The following SPIDR variants were observed in gnomAD, a reference collection of about 807,000 sequenced individuals.
The protein encoded by SPIDR is scaffold protein involved in DNA repair, also known as DNA repair-scaffolding protein.
Under a neutral mutation model 104.6 loss-of-function variants are expected in SPIDR, and 93 were observed. That is an observed-to-expected ratio of 0.89 (90% CI 0.75 to 1.06). The LOEUF is 1.06. SPIDR is among the 50% of genes least tolerant of loss of function. SPIDR has a pLI of 0.00. For missense variants in SPIDR, 1,154 were observed against 1,111.2 expected, an observed-to-expected ratio of 1.04 and a Z score of -0.55; for synonymous variants, 431 against 416.9, an observed-to-expected ratio of 1.03 and a Z score of -0.41.
chr8:47,396,341 T>C, intron 5 of SPIDR, 35 bp from the exon 6 acceptor site: 1 of 1,504,952 alleles, frequency 6.6e-7, no homozygotes, highest in Non-Finnish European at 9.2e-7. Context: ...ATCCTTTGTA[T>C]TTAAAAATAT....
intron 10 of SPIDR, among the ~76,000 whole-genome samples, chr8:47,633,858 C>T (rs1024109602): frequency 1.3e-5 from 2 of 152,122 alleles, no homozygotes; most frequent in African/African-American, 4.8e-5. Context: ...CTTTGGGAGG[C>T]TGAGGTGGGC....
chr8:47,291,393 A>G (rs935843500), intron 4 of SPIDR, among the ~76,000 whole-genome samples: 6 of 152,222 alleles, frequency 3.9e-5, no homozygotes, highest in Non-Finnish European at 7.3e-5. Flanking sequence ...TCACCAGTAC[A>G]TTGCAGGTGT....
chr8:47,412,539 G>A (rs1392224309), intron 7 of SPIDR, among the ~76,000 whole-genome samples: 3 of 152,178 alleles, frequency 2.0e-5, no homozygotes, highest in East Asian at 3.8e-4. Flanking sequence ...GTCTGGTAGA[G>A]ACAGGAATCC....
chr8:47,264,792 A>C (rs2033528076), intron 1 of SPIDR, among the ~76,000 whole-genome samples: 1 of 152,014 alleles, frequency 6.6e-6, no homozygotes, highest in African/African-American at 2.4e-5. Context: ...AATGGGGTTA[A>C]TACCTATATT....
At chr8:47,290,763 GT>G (rs1417378524) in intron 3 of SPIDR, among the ~76,000 whole-genome samples, 1 of 152,056 alleles carries the variant, frequency 6.6e-6, no homozygotes, top group Non-Finnish European at 1.5e-5. Flanking sequence ...TATTTTTCCG[GT>G]TTTCATTTGT....
chr8:47,639,928 CAA>C (rs777519014), intron 10 of SPIDR, among the ~76,000 whole-genome samples: 31 of 128,096 alleles, frequency 2.4e-4, no homozygotes, highest in African/African-American at 5.4e-4. Context: ...GCCTGGGTGA[CAA>C]AAAAAAAAAA....
At chr8:47,526,876 T>C (rs1003480749) in intron 8 of SPIDR, among the ~76,000 whole-genome samples, 1 of 152,038 alleles carries the variant, frequency 6.6e-6, no homozygotes, top group African/African-American at 2.4e-5. Flanking sequence ...GCCCCCCAAA[T>C]TGGAGCAAAT....
At chr8:47,303,650 G>T (rs2042627649) in intron 5 of SPIDR, among the ~76,000 whole-genome samples, 3 of 152,170 alleles carry the variant, frequency 2.0e-5, no homozygotes. Flanking sequence ...TTAACGTGGT[G>T]TATCACATTT....
At chr8:47,534,260 A>T (rs969346358) in intron 8 of SPIDR, among the ~76,000 whole-genome samples, 2 of 152,230 alleles carry the variant, frequency 1.3e-5, no homozygotes, top group African/African-American at 4.8e-5. Flanking sequence ...TTAGCAACAT[A>T]AGAACAGACT....
intron 8 of SPIDR, among the ~76,000 whole-genome samples, chr8:47,448,658 G>A (rs946061438): frequency 6.6e-6 from 1 of 152,054 alleles, no homozygotes; most frequent in Non-Finnish European, 1.5e-5. Context: ...GAGAGTATGT[G>A]TGTGTACCTG....
chr8:47,583,305 CAAAAAA>C (rs34756645), intron 8 of SPIDR, among the ~76,000 whole-genome samples: 166 of 111,140 alleles, frequency 1.5e-3, no homozygotes, highest in Non-Finnish European at 2.6e-3. Flanking sequence ...GACTCCATCT[CAAAAAA>C]AAAAAAAAAA....
chr8:47,555,193 A>G (rs375916418), intron 8 of SPIDR, among the ~76,000 whole-genome samples: 40 of 152,288 alleles, frequency 2.6e-4, no homozygotes, highest in African/African-American at 9.4e-4. Flanking sequence ...GAAGCTGTAT[A>G]TGGACTCCTA....
chr8:47,516,190 T>C (rs568635807), intron 8 of SPIDR, among the ~76,000 whole-genome samples: 1 of 152,212 alleles, frequency 6.6e-6, no homozygotes, highest in African/African-American at 2.4e-5. Context: ...GTTAGTTCTT[T>C]GGCTCGGCCT....
chr8:47,628,592 T>C (rs760279682), intron 10 of SPIDR, among the ~76,000 whole-genome samples: 2 of 152,162 alleles, frequency 1.3e-5, no homozygotes, highest in Non-Finnish European at 2.9e-5. Context: ...CTTCAGGCTA[T>C]CTGTATAAGG....
At chr8:47,669,226 C>CTT (rs1296125527) in intron 10 of SPIDR, among the ~76,000 whole-genome samples, 12 of 152,196 alleles carry the variant, frequency 7.9e-5, no homozygotes, top group Non-Finnish European at 1.8e-4. Flanking sequence ...GTCATGGGGA[C>CTT]ACTTTTCTGC....
At chr8:47,312,636 G>C (rs2044425780) in intron 5 of SPIDR, among the ~76,000 whole-genome samples, 1 of 152,176 alleles carries the variant, frequency 6.6e-6, no homozygotes, top group East Asian at 1.9e-4. Flanking sequence ...TGTCAGATGA[G>C]GTAGGTTGCG....
At chr8:47,468,659 T>C (rs2075259373) in intron 8 of SPIDR, among the ~76,000 whole-genome samples, 1 of 152,134 alleles carries the variant, frequency 6.6e-6, no homozygotes, top group East Asian at 1.9e-4. Flanking sequence ...ATGCAGAAGA[T>C]TGAGCCTTGG....
rs373217810 is a variant in SPIDR, at chr8:47,660,139, A to T, written c.1545-13662A>T. Among the ~76,000 whole-genome samples, 5 of 152,148 alleles carry T rather than the reference A, an allele frequency of 3.3e-5. No homozygotes were observed. The South Asian group carries it at 6.2e-4, about 19-fold the overall frequency. On this transcript the variant is annotated intron_variant, in intron 10 of 19. Coordinates refer to ENST00000297423, the MANE Select transcript of SPIDR (RefSeq NM_001080394.4). ...AGAGAAATTAAATTGTACTCCCACA[A>T]CTTCCCCTACAAAATTAAGAGTTTT...
At chr8:47,587,262 T>G (rs1418171039) in intron 8 of SPIDR, among the ~76,000 whole-genome samples, 1 of 152,200 alleles carries the variant, frequency 6.6e-6, no homozygotes, top group Non-Finnish European at 1.5e-5. Flanking sequence ...GCTTATATTT[T>G]TCTGCCTATG....
Sources: gnomAD v4.1 joint callset for allele counts (sites outside exome capture counted in the v4.1 genomes callset) on GRCh38, gnomAD v4.1.1 for gene constraint, MANE v1.5 for transcripts, NCBI Gene and HGNC (gene_info 2026-07-23, HGNC 2026-07-21) for gene names.